ATP6V1H: variants seen among roughly 807,000 people sequenced by gnomAD.
ATP6V1H encodes the protein ATPase H+ transporting V1 subunit H.
Under a neutral mutation model 71.7 loss-of-function variants are expected in ATP6V1H, and 39 were observed. That is an observed-to-expected ratio of 0.54 (90% confidence interval 0.42 to 0.71). The LOEUF (loss-of-function observed/expected upper bound fraction) is 0.71, where lower values mean the gene tolerates loss of function less well. Ranked by LOEUF, ATP6V1H falls within the 30% of genes least tolerant of loss-of-function variation. The pLI is 0.00. For synonymous variants in ATP6V1H, 192 were observed against 199.3 expected, an observed-to-expected ratio of 0.96 and a Z score of 0.31; for missense variants, 509 against 594.9, an observed-to-expected ratio of 0.86 and a Z score of 1.50.
At chr8:53,818,946 C>T (rs1810542008) in intron 4 of ATP6V1H, among the ~76,000 whole-genome samples, 1 of 152,218 alleles carries the variant, frequency 6.6e-6, no homozygotes, top group Admixed American at 6.5e-5. Context: ...GTGCCTCACA[C>T]TTGTAATCCC....
At chr8:53,738,620 A>G (rs1041008218) in intron 13 of ATP6V1H, among the ~76,000 whole-genome samples, 2 of 152,182 alleles carry the variant, frequency 1.3e-5, no homozygotes, top group Non-Finnish European at 2.9e-5. Context: ...CCTGTAATTG[A>G]TTTTATGTTT....
chr8:53,837,397 G>T (rs1349115956), intron 2 of ATP6V1H, among the ~76,000 whole-genome samples: 1 of 151,850 alleles, frequency 6.6e-6, no homozygotes, highest in Non-Finnish European at 1.5e-5. Context: ...TTTTCAGCCT[G>T]CACTCCAGTG....
chr8:53,834,854 C>T (rs1255744570), intron 2 of ATP6V1H, among the ~76,000 whole-genome samples: 6 of 151,986 alleles, frequency 3.9e-5, no homozygotes, highest in Admixed American at 6.6e-5. Flanking sequence ...CCACTATGCA[C>T]AGTTAGGCTA....
chr8:53,806,791 A>G, intron 7 of ATP6V1H: 1 of 448,404 alleles, frequency 2.2e-6, no homozygotes, highest in Non-Finnish European at 4.5e-6. Flanking sequence ...CAATCCTTCC[A>G]AAAATCAATA....
intron 7 of ATP6V1H, among the ~76,000 whole-genome samples, chr8:53,803,101 C>A (rs999556971): frequency 6.6e-6 from 1 of 152,196 alleles, no homozygotes; most frequent in Non-Finnish European, 1.5e-5. Flanking sequence ...CTTTGGGAGG[C>A]CAAGGCGGGT....
At chr8:53,728,035 C>T (rs1215671919) in intron 13 of ATP6V1H, among the ~76,000 whole-genome samples, 3 of 152,222 alleles carry the variant, frequency 2.0e-5, no homozygotes, top group African/African-American at 4.8e-5. Flanking sequence ...GAACAACTGC[C>T]TCATCTCTAG....
chr8:53,792,734 T>C (rs1414603111), intron 9 of ATP6V1H, among the ~76,000 whole-genome samples: 1 of 152,190 alleles, frequency 6.6e-6, no homozygotes, highest in African/African-American at 2.4e-5. Flanking sequence ...TCAATAAAAA[T>C]AGTAATAGAA....
chr8:53,720,130 C>A (rs1435216051), intron 13 of ATP6V1H, among the ~76,000 whole-genome samples: 1 of 152,154 alleles, frequency 6.6e-6, no homozygotes, highest in Non-Finnish European at 1.5e-5. Flanking sequence ...AGGTGCCTGA[C>A]TTATACAAGC....
At position 53,812,547 on chromosome 8, in the gene ATP6V1H, T is replaced by C. The variant is rs147829165; in HGVS notation, c.526-1330A>G. ...ATCTGTTATTCCTAGGAGGAAAAGTTTAAGGTAGAAGTGCCCAAAAAGCTA... is the reference window on the plus strand; with the variant it reads ...ATCTGTTATTCCTAGGAGGAAAAGTCTAAGGTAGAAGTGCCCAAAAAGCTA... On this transcript the variant is annotated intron_variant, in intron 6 of 13. Transcript: ENST00000359530. 2.2e-3 allele frequency among the ~76,000 whole-genome samples: 338 copies of C among 152,312 alleles called. 2 individuals are homozygous for C. Among genetic ancestry groups the C allele is most frequent in the African/African-American group, 7.9e-3 (327 of 41,576 alleles).
chr8:53,790,510 T>C (rs1809533535), intron 9 of ATP6V1H, among the ~76,000 whole-genome samples: 1 of 152,204 alleles, frequency 6.6e-6, no homozygotes, highest in Non-Finnish European at 1.5e-5. Flanking sequence ...CGAAGGGTAT[T>C]ATCATGTGAG....
intron 9 of ATP6V1H, among the ~76,000 whole-genome samples, chr8:53,785,409 C>A (rs1440183671): frequency 1.3e-5 from 2 of 152,172 alleles, no homozygotes; most frequent in African/African-American, 4.8e-5. Context: ...AAGGACTTCT[C>A]TGCATTGGTT....
chr8:53,777,867 A>G (rs1808950596), intron 9 of ATP6V1H, among the ~76,000 whole-genome samples: 2 of 152,236 alleles, frequency 1.3e-5, no homozygotes, highest in South Asian at 2.1e-4. Context: ...TGATACCACA[A>G]GTGGAAAGCT....
chr8:53,740,884 G>A (rs995667908), intron 13 of ATP6V1H, among the ~76,000 whole-genome samples: 4 of 152,126 alleles, frequency 2.6e-5, no homozygotes, highest in African/African-American at 9.7e-5. Flanking sequence ...CTGGCACAGG[G>A]AGCCACAGAA....
At chr8:53,755,912 T>C (rs1225132455) in intron 12 of ATP6V1H, among the ~76,000 whole-genome samples, 25 of 109,144 alleles carry the variant, frequency 2.3e-4, no homozygotes, top group African/African-American at 3.2e-4. Flanking sequence ...CGCCCGCCAC[T>C]ACGCCCGGCT....
chr8:53,725,316 CA>C (rs1468598747), intron 13 of ATP6V1H, among the ~76,000 whole-genome samples: 2 of 152,106 alleles, frequency 1.3e-5, no homozygotes, highest in Non-Finnish European at 2.9e-5. Context: ...TGGGACTCTA[CA>C]GAGTCCTCAC....
At chr8:53,798,562 A>G (rs1325954251) in intron 8 of ATP6V1H, among the ~76,000 whole-genome samples, 1 of 151,894 alleles carries the variant, frequency 6.6e-6, no homozygotes, top group Admixed American at 6.6e-5. Context: ...CAAATGGGCT[A>G]TACTTGAAAA....
chr8:53,829,259 C>T (rs1810916867), intron 4 of ATP6V1H, among the ~76,000 whole-genome samples, 185 bp downstream of exon 4: 1 of 152,134 alleles, frequency 6.6e-6, no homozygotes, highest in African/African-American at 2.4e-5. Context: ...CAAAAACAGC[C>T]TGTGTGTGGG....
At chr8:53,779,245 T>G (rs1398730423) in intron 9 of ATP6V1H, among the ~76,000 whole-genome samples, 1 of 151,996 alleles carries the variant, frequency 6.6e-6, no homozygotes. Flanking sequence ...TTCTTTTAAG[T>G]GCACTTGGTA....
chr8:53,841,632 G>A lies in ATP6V1H; in HGVS notation c.59C>T (p.Ala20Val). 1 of 1,614,130 alleles carries A rather than the reference G, an allele frequency of 6.2e-7. No homozygotes were observed. Among genetic ancestry groups the A allele is most frequent in the Non-Finnish European group, 8.5e-7 (1 of 1,179,968 alleles). Reference protein sequence around the residue: ...VDAAVPTNIIAAKAAEVRANK... With the variant: ...VDAAVPTNIIVAKAAEVRANK... ...TGCACGAACTTCTGCAGCCTTGGCA[G>A]CAATAATATTGGTGGGGACAGCAGC... Residue 20 changes from alanine to valine, a missense_variant, in exon 2 of 14, where the codon GCT (alanine) becomes GTT (valine). Physicochemically the swap from Ala to Val is moderately conservative, Grantham distance 64. This residue lies in a region of ATP6V1H where 297 missense variants were observed against 303.3 expected (regional missense o/e 0.98). Coordinates refer to ENST00000359530, the MANE Select transcript of ATP6V1H (RefSeq NM_015941.4).
Sources: gnomAD v4.1 joint callset for allele counts (sites outside exome capture counted in the v4.1 genomes callset) on GRCh38, gnomAD v4.1.1 for gene constraint, gnomAD v4.1.1 regional missense constraint, MANE v1.5 for transcripts, NCBI Gene and HGNC (gene_info 2026-07-23, HGNC 2026-07-21) for gene names.